CACNA1E: variants seen among roughly 807,000 people sequenced by gnomAD.
CACNA1E encodes calcium voltage-gated channel subunit alpha1 E.
A neutral mutation model predicts 259.2 loss-of-function variants in CACNA1E; 40 were observed. The observed-to-expected ratio is 0.15, with a 90% CI of 0.12 to 0.20. The LOEUF is 0.20. Ranked by LOEUF, CACNA1E falls within the 10% of genes least tolerant of loss-of-function variation. The pLI is 1.00. For synonymous variants in CACNA1E, 1,104 were observed against 1,138.5 expected, an observed-to-expected ratio of 0.97 and a Z score of 0.61; for missense variants, 1,874 against 3,040.1, an observed-to-expected ratio of 0.62 and a Z score of 9.02.
chr1:181,375,603 C>A (rs1655051689), intron 1 of CACNA1E, among the ~76,000 whole-genome samples: 1 of 152,196 alleles, frequency 6.6e-6, no homozygotes, highest in Non-Finnish European at 1.5e-5. Context: ...TTAATATTCA[C>A]AACAGCTCTG....
chr1:181,696,472 A>C (rs1167590976), intron 7 of CACNA1E, among the ~76,000 whole-genome samples: 1 of 152,206 alleles, frequency 6.6e-6, no homozygotes, highest in Non-Finnish European at 1.5e-5. Flanking sequence ...ACACAAACAG[A>C]ATTATATAAC....
chr1:181,553,984 G>A (rs971009837), intron 3 of CACNA1E, among the ~76,000 whole-genome samples: 3 of 152,108 alleles, frequency 2.0e-5, no homozygotes, highest in African/African-American at 7.2e-5. Flanking sequence ...AGGTCACACA[G>A]GCTCTAAATA....
intron 25 of CACNA1E, among the ~76,000 whole-genome samples, chr1:181,750,100 C>A (rs1657459155): frequency 6.6e-6 from 1 of 152,270 alleles, no homozygotes; most frequent in Non-Finnish European, 1.5e-5. Context: ...CTGAAGACTG[C>A]ATAGGAAATG....
intron 11 of CACNA1E, 21 bp downstream of exon 11, chr1:181,717,323 A>T: frequency 6.3e-7 from 1 of 1,596,298 alleles, no homozygotes; most frequent in Non-Finnish European, 8.6e-7. Context: ...CCTCTCTCTA[A>T]AGCCTCCTCT....
chr1:181,737,539 G>C lies in CACNA1E; in HGVS notation c.3437G>C (p.Cys1146Ser), dbSNP rs375554426. The change falls in exon 23 of 48, where the codon TGC (cysteine) becomes TCC (serine). Residue 1146 changes from cysteine to serine, a missense_variant. By Grantham distance (112) the Cys-to-Ser change is moderately radical. Transcript: ENST00000367573. ...ACTGCCCGCAGGATCCGGAGGGCCT[G>C]CCACTACATCGTGAACCTGCGCTAC... is the stretch of plus-strand genomic sequence containing the variant. ...FSTTNPIRRA[C>S]HYIVNLRYFE... 6.2e-7 allele frequency: 1 copy of C among 1,613,796 alleles called. No individual in the cohort carries two copies. Among genetic ancestry groups the C allele is most frequent in the Non-Finnish European group, 8.5e-7 (1 of 1,179,842 alleles).
intron 1 of CACNA1E, among the ~76,000 whole-genome samples, chr1:181,392,322 A>C (rs1016850993): frequency 6.6e-6 from 1 of 152,134 alleles, no homozygotes; most frequent in African/African-American, 2.4e-5. Flanking sequence ...ATCATTCTTC[A>C]AGAATGGTTC....
chr1:181,588,933 G>T (rs1652357987), intron 6 of CACNA1E, among the ~76,000 whole-genome samples: 1 of 152,160 alleles, frequency 6.6e-6, no homozygotes, highest in Admixed American at 6.5e-5. Flanking sequence ...CAGCCAGGTG[G>T]GGATGGCACA....
intron 3 of CACNA1E, among the ~76,000 whole-genome samples, chr1:181,546,980 A>G (rs1267825517): frequency 6.6e-6 from 1 of 152,158 alleles, no homozygotes; most frequent in East Asian, 1.9e-4. Flanking sequence ...ACCAGCCTAC[A>G]TCCTCATTAC....
intron 7 of CACNA1E, among the ~76,000 whole-genome samples, chr1:181,704,568 T>C (rs1440337599): frequency 6.6e-6 from 1 of 152,156 alleles, no homozygotes; most frequent in Non-Finnish European, 1.5e-5. Flanking sequence ...AATATGACCA[T>C]GTGGCCATTT....
At chr1:181,711,117 T>A (rs1461520878) in intron 8 of CACNA1E, 48 bp downstream of exon 8, 1 of 1,289,256 alleles carries the variant, frequency 7.8e-7, no homozygotes, top group Admixed American at 1.7e-5. Flanking sequence ...TGCAGAGACA[T>A]CAGGGCCGGC....
chr1:181,530,633 G>A (rs1003163982), intron 3 of CACNA1E, among the ~76,000 whole-genome samples: 2 of 152,248 alleles, frequency 1.3e-5, no homozygotes, highest in East Asian at 1.9e-4. Flanking sequence ...CAGAACCATC[G>A]AAGAGACTAA....
chr1:181,619,317 G>T (rs1007986998), intron 6 of CACNA1E, among the ~76,000 whole-genome samples: 7 of 152,076 alleles, frequency 4.6e-5, no homozygotes, highest in African/African-American at 1.2e-4. Flanking sequence ...GACATCTGGG[G>T]AACAAGCATT....
chr1:181,681,846 A>G (rs1046511598), intron 7 of CACNA1E, among the ~76,000 whole-genome samples: 2 of 152,044 alleles, frequency 1.3e-5, no homozygotes, highest in South Asian at 4.2e-4. Flanking sequence ...TGTGCCTATC[A>G]TCTGGTTGGC....
chr1:181,454,846 G>A (rs1272890343), intron 2 of CACNA1E, among the ~76,000 whole-genome samples: 1 of 151,530 alleles, frequency 6.6e-6, no homozygotes, highest in Non-Finnish European at 1.5e-5. Flanking sequence ...TCATAGCCAA[G>A]ACATGCAAAG....
rs781606703 is a variant in CACNA1E at position 181,802,463 on chromosome 1, G to A, written c.*3629G>A. ...CCCATAGAGCCTATGTGGTGAGCAT[G>A]AGGGTCGTCTTCCCTCTGTTCTCCC... On this transcript the variant is annotated 3_prime_UTR_variant, in exon 48 of 48. Transcript: ENST00000367573. The A allele has an allele frequency of 1.3e-5, 2 of 152,252 alleles. No homozygotes were observed. The highest frequency in any genetic ancestry group is 1.3e-4 in the Admixed American group (2 of 15,278). The allele number at this position is 152,252 out of a possible 1,614,324, so 9.4% of individuals were successfully genotyped here. A position where few individuals can be genotyped will look rare whatever the true frequency, so the allele number is the denominator to read the frequency against.
At chr1:181,545,590 G>T (rs1395085863) in intron 3 of CACNA1E, among the ~76,000 whole-genome samples, 1 of 152,174 alleles carries the variant, frequency 6.6e-6, no homozygotes, top group Non-Finnish European at 1.5e-5. Flanking sequence ...GTCCCTTAGG[G>T]CAGGGGGCAG....
intron 22 of CACNA1E, among the ~76,000 whole-genome samples, chr1:181,736,867 G>T (rs1656088232): frequency 6.6e-6 from 1 of 152,162 alleles, no homozygotes; most frequent in Non-Finnish European, 1.5e-5. Context: ...GTGGAGTTTT[G>T]AAATGGTCTG....
At chr1:181,378,796 A>T (rs569421101) in intron 1 of CACNA1E, among the ~76,000 whole-genome samples, 43 of 152,358 alleles carry the variant, frequency 2.8e-4, no homozygotes, top group African/African-American at 9.9e-4. Flanking sequence ...GGGAAAAACT[A>T]TGTCTAGAGC....
intron 7 of CACNA1E, among the ~76,000 whole-genome samples, chr1:181,693,152 A>T (rs906002103): frequency 1.2e-4 from 12 of 98,090 alleles, no homozygotes; most frequent in African/African-American, 4.4e-4. Flanking sequence ...AAAAAAAAAC[A>T]ACAGATGCTA....
Sources: gnomAD v4.1 joint callset for allele counts (sites outside exome capture counted in the v4.1 genomes callset) on GRCh38, gnomAD v4.1.1 for gene constraint, MANE v1.5 for transcripts, NCBI Gene and HGNC (gene_info 2026-07-23, HGNC 2026-07-21) for gene names.